Variants in MEIS1 observed in about 807,000 individuals in gnomAD.
The protein encoded by MEIS1 is Meis homeobox 1, also known as homeobox protein Meis1.
MEIS1 carries 5 observed loss-of-function variants against 50.8 expected under a neutral mutation model. The observed-to-expected ratio is 0.10, with a 90% CI of 0.05 to 0.21. The LOEUF is 0.21. Ranked by LOEUF, MEIS1 falls within the 10% of genes least tolerant of loss-of-function variation. The pLI is 1.00. For synonymous variants in MEIS1, 176 were observed against 179.3 expected, an observed-to-expected ratio of 0.98 and a Z score of 0.15; for missense variants, 318 against 517.3, an observed-to-expected ratio of 0.61 and a Z score of 3.74.
At chr2:66,457,661 C>G (rs1573139442) in intron 6 of MEIS1, among the ~76,000 whole-genome samples, 2 of 152,142 alleles carry the variant, frequency 1.3e-5, no homozygotes, top group South Asian at 4.1e-4. Context: ...GGGGAAAAGT[C>G]AAGGGGAGCC....
chr2:66,537,481 G>A (rs1674549307), intron 8 of MEIS1, among the ~76,000 whole-genome samples: 1 of 152,130 alleles, frequency 6.6e-6, no homozygotes, highest in Non-Finnish European at 1.5e-5. Flanking sequence ...CTAGAGAATG[G>A]GTACCAGTTC....
intron 9 of MEIS1, among the ~76,000 whole-genome samples, chr2:66,562,298 T>C (rs1675239570): frequency 6.6e-6 from 1 of 151,382 alleles, no homozygotes; most frequent in Non-Finnish European, 1.5e-5. Flanking sequence ...AGGACAAAGG[T>C]CAGTTTCAAA....
chr2:66,482,837 T>C (rs17503045), intron 7 of MEIS1, among the ~76,000 whole-genome samples: 1 of 152,192 alleles, frequency 6.6e-6, no homozygotes, highest in Non-Finnish European at 1.5e-5. Flanking sequence ...ATATTCCTGA[T>C]GCCATCTAGT....
chr2:66,487,418 A>G (rs1014164796), intron 7 of MEIS1, among the ~76,000 whole-genome samples: 13 of 152,208 alleles, frequency 8.5e-5, no homozygotes, highest in African/African-American at 3.1e-4. Flanking sequence ...TGAAAAAAGA[A>G]TATTTAGGAA....
chr2:66,473,397 A>ATATATATATATATATATATATATATAT (rs1553373465), intron 7 of MEIS1, among the ~76,000 whole-genome samples: 1 of 107,614 alleles, frequency 9.3e-6, no homozygotes, highest in African/African-American at 5.8e-5. Context: ...AAAAAAAAAA[A>ATATATATATATATATATATATATATAT]ATATATATAT....
At chr2:66,544,633 TA>T (rs1163364113) in intron 8 of MEIS1, among the ~76,000 whole-genome samples, 4 of 152,002 alleles carry the variant, frequency 2.6e-5, no homozygotes, top group Admixed American at 2.0e-4. Flanking sequence ...TCATTTGTAT[TA>T]AAAAAATATA....
intron 7 of MEIS1, among the ~76,000 whole-genome samples, chr2:66,496,946 G>A (rs1452667402): frequency 1.3e-5 from 2 of 152,076 alleles, no homozygotes; most frequent in Admixed American, 1.3e-4. Context: ...TACATTTCAG[G>A]GGTGGTTTTT....
At chr2:66,436,334 G>T (rs1671795886) in intron 1 of MEIS1, among the ~76,000 whole-genome samples, 2 of 152,112 alleles carry the variant, frequency 1.3e-5, no homozygotes, top group East Asian at 3.8e-4. Flanking sequence ...TTTTTGGTCA[G>T]AAAACATTCA....
At chr2:66,511,189 T>C (rs1262412596) in intron 7 of MEIS1, among the ~76,000 whole-genome samples, 1 of 152,148 alleles carries the variant, frequency 6.6e-6, no homozygotes, top group African/African-American at 2.4e-5. Context: ...AATACCTACT[T>C]TCCATTTGTA....
At position 66,478,908 on chromosome 2, in the gene MEIS1, G is replaced by A. The variant is rs545236801; in HGVS notation, c.742+14688G>A. Among the ~76,000 whole-genome samples, 3 of 152,254 alleles carry A rather than the reference G, an allele frequency of 2.0e-5. No individual in the cohort carries two copies. In the South Asian group the frequency reaches 6.2e-4, roughly 32 times the overall value. On this transcript the variant is annotated intron_variant, in intron 7 of 12. Transcript: ENST00000272369. Reference sequence around the variant, plus strand: ...GCTCATCAGGGTACACATTATTGTTGGTGAGTAACTCTAGCAAGAGCCCTC... The same window carrying A: ...GCTCATCAGGGTACACATTATTGTTAGTGAGTAACTCTAGCAAGAGCCCTC...
At chr2:66,477,373 G>A (rs1672918870) in intron 7 of MEIS1, among the ~76,000 whole-genome samples, 1 of 152,194 alleles carries the variant, frequency 6.6e-6, no homozygotes, top group African/African-American at 2.4e-5. Context: ...ACAGACTACA[G>A]GTCCCACTGG....
chr2:66,483,368 C>G (rs1673065136), intron 7 of MEIS1, among the ~76,000 whole-genome samples: 1 of 151,874 alleles, frequency 6.6e-6, no homozygotes, highest in African/African-American at 2.4e-5. Context: ...GCCACCGCGC[C>G]CGGCTGGACT....
At chr2:66,440,029 C>G (rs200309900) in intron 3 of MEIS1, 45 bp downstream of exon 3, 2 of 1,541,738 alleles carry the variant, frequency 1.3e-6, no homozygotes, top group Non-Finnish European at 1.7e-6. Context: ...AAAAAGAGAG[C>G]CCCCCCTTCG....
intron 8 of MEIS1, among the ~76,000 whole-genome samples, chr2:66,537,235 A>T (rs1674542785): frequency 6.6e-6 from 1 of 152,216 alleles, no homozygotes; most frequent in South Asian, 2.1e-4. Flanking sequence ...TTACAAGCTT[A>T]AAGAGGTTTA....
intron 7 of MEIS1, among the ~76,000 whole-genome samples, chr2:66,481,846 A>ATTT (rs1673022058): frequency 8.5e-6 from 1 of 117,050 alleles, no homozygotes. Flanking sequence ...TAGGTCTGAT[A>ATTT]TTTCTTTTTT....
intron 8 of MEIS1, among the ~76,000 whole-genome samples, chr2:66,529,788 T>C (rs1209493356): frequency 3.3e-5 from 5 of 152,242 alleles, no homozygotes; most frequent in African/African-American, 1.2e-4. Flanking sequence ...TTTTCTTTTT[T>C]AATATTTAGG....
chr2:66,459,801 G>A (rs1248952612), intron 6 of MEIS1, among the ~76,000 whole-genome samples: 2 of 152,188 alleles, frequency 1.3e-5, no homozygotes, highest in Admixed American at 6.5e-5. Flanking sequence ...AGGAAGTTTG[G>A]TGGAGACAAA....
chr2:66,566,173 TTTAG>T (rs1192310103), intron 9 of MEIS1, among the ~76,000 whole-genome samples: 6 of 152,220 alleles, frequency 3.9e-5, no homozygotes, highest in African/African-American at 9.6e-5. Flanking sequence ...CAGTATACCT[TTTAG>T]TTAGATTCTA....
chr2:66,531,693 T>C (rs1674394395), intron 8 of MEIS1, among the ~76,000 whole-genome samples: 1 of 152,184 alleles, frequency 6.6e-6, no homozygotes, highest in Non-Finnish European at 1.5e-5. Flanking sequence ...GCCGAAGGAA[T>C]GATATGTCAA....
Sources: allele counts gnomAD v4.1 joint callset (sites outside exome capture counted in the v4.1 genomes callset), GRCh38; gene constraint gnomAD v4.1.1; transcripts MANE v1.5; gene names NCBI Gene and HGNC (gene_info 2026-07-23, HGNC 2026-07-21).